Variants in MUSK observed in about 807,000 individuals in gnomAD.
MUSK encodes muscle associated receptor tyrosine kinase, also known as muscle, skeletal receptor tyrosine-protein kinase.
A neutral mutation model predicts 88.7 loss-of-function variants in MUSK; 55 were observed. That is an observed-to-expected ratio of 0.62 (90% CI 0.50 to 0.78). The LOEUF (loss-of-function observed/expected upper bound fraction) is 0.78. Among genes scored for constraint, MUSK ranks in the 30% least tolerant of loss-of-function variants. The probability of loss-of-function intolerance (pLI) is 0.00; values close to 1 mark genes in which losing one functional copy is unlikely to be tolerated. For missense variants in MUSK, 1,015 were observed against 1,074.3 expected, an observed-to-expected ratio of 0.94 and a Z score of 0.77; for synonymous variants, 387 against 391.9, an observed-to-expected ratio of 0.99 and a Z score of 0.15.
intron 3 of MUSK, among the ~76,000 whole-genome samples, chr9:110,694,331 G>A (rs1417076035): frequency 1.2e-4 from 18 of 148,924 alleles, no homozygotes; most frequent in Admixed American, 8.7e-4. Context: ...ACTTGCAGTG[G>A]GCCGAGATCG....
At chr9:110,770,464 T>A (rs1401471977) in intron 9 of MUSK, among the ~76,000 whole-genome samples, 2 of 146,660 alleles carry the variant, frequency 1.4e-5, no homozygotes, top group African/African-American at 4.9e-5. Context: ...ATATAACATA[T>A]AATTAATATA....
intron 1 of MUSK, among the ~76,000 whole-genome samples, chr9:110,681,764 G>T (rs118185714): frequency 8.8e-4 from 134 of 152,124 alleles, no homozygotes; most frequent in Non-Finnish European, 1.7e-3. Context: ...TTCAGAAAGT[G>T]GATGTATCTT....
At chr9:110,748,444 C>G (rs1435880373) in intron 7 of MUSK, among the ~76,000 whole-genome samples, 1 of 152,068 alleles carries the variant, frequency 6.6e-6, no homozygotes, top group African/African-American at 2.4e-5. Context: ...CAGGTGTTTT[C>G]AAGAAAAAGG....
chr9:110,684,290 C>T (rs984524265), intron 2 of MUSK, among the ~76,000 whole-genome samples: 3 of 151,858 alleles, frequency 2.0e-5, no homozygotes, highest in Non-Finnish European at 4.4e-5. Context: ...GAAATGAGTT[C>T]ACTGCAGGTG....
intron 6 of MUSK, among the ~76,000 whole-genome samples, chr9:110,742,298 A>G (rs1222756341): frequency 6.6e-6 from 1 of 152,142 alleles, no homozygotes; most frequent in Non-Finnish European, 1.5e-5. Flanking sequence ...TACTAAAAAT[A>G]CAAAAAATTT....
intron 8 of MUSK, among the ~76,000 whole-genome samples, chr9:110,765,734 C>T (rs566023600): frequency 3.9e-5 from 6 of 151,924 alleles, no homozygotes; most frequent in Admixed American, 2.6e-4. Context: ...CCACCACGCC[C>T]GGCTAATTTT....
intron 6 of MUSK, among the ~76,000 whole-genome samples, chr9:110,738,209 C>T (rs2077052935): frequency 6.6e-6 from 1 of 152,050 alleles, no homozygotes; most frequent in African/African-American, 2.4e-5. Context: ...AATATCTGAT[C>T]CTTTGATTAT....
At chr9:110,762,468 C>A (rs986470637) in intron 8 of MUSK, among the ~76,000 whole-genome samples, 2 of 152,072 alleles carry the variant, frequency 1.3e-5, no homozygotes, top group Non-Finnish European at 2.9e-5. Flanking sequence ...TGAATACTTA[C>A]TATGGATCGG....
chr9:110,755,944 A>G (rs1161502316), intron 7 of MUSK, among the ~76,000 whole-genome samples: 1 of 73,638 alleles, frequency 1.4e-5, no homozygotes, highest in Admixed American at 1.2e-4. Context: ...ATATATATAT[A>G]TATATACACA....
At chr9:110,689,736 TATA>T (rs1385025928) in intron 3 of MUSK, among the ~76,000 whole-genome samples, 614 of 12,336 alleles carry the variant, frequency 0.05, 62 homozygotes, top group African/African-American at 0.15. Flanking sequence ...ATAGTTTATA[TATA>T]ATATTATATA....
intron 6 of MUSK, among the ~76,000 whole-genome samples, chr9:110,745,955 G>C (rs1245983441): frequency 6.6e-6 from 1 of 152,194 alleles, no homozygotes; most frequent in African/African-American, 2.4e-5. Flanking sequence ...TAGGAAGAAA[G>C]CTGGCCTTAC....
chr9:110,762,327 TTTTG>T, intron 8 of MUSK, 119 bp downstream of exon 8: 1 of 627,390 alleles, frequency 1.6e-6, no homozygotes, highest in African/African-American at 1.8e-5. Context: ...GTGGAGTATG[TTTTG>T]TTTTTGTTAT....
intron 1 of MUSK, among the ~76,000 whole-genome samples, chr9:110,681,589 G>A (rs1414155714): frequency 6.6e-6 from 1 of 151,988 alleles, no homozygotes; most frequent in Non-Finnish European, 1.5e-5. Context: ...CATGTCAGGG[G>A]AAGTGGAAGG....
intron 9 of MUSK, among the ~76,000 whole-genome samples, 157 bp downstream of exon 9, chr9:110,768,240 G>A (rs550691315): frequency 1.3e-5 from 2 of 152,364 alleles, no homozygotes; most frequent in East Asian, 1.9e-4. Context: ...GCTCATGCCT[G>A]TAATCCCAGC....
chr9:110,734,292 AC>A lies in MUSK; in HGVS notation c.672del (p.Phe225LeufsTer5). 2 of 1,613,050 alleles carry A rather than the reference AC, an allele frequency of 1.2e-6. No individual in the cohort carries two copies. The highest frequency in any genetic ancestry group is 1.7e-6 in the Non-Finnish European group (2 of 1,179,434). The part of the protein sequence containing the change: ...ILRAPESHNV[T>X]FGSFVTLHCT... The stretch of plus-strand genomic sequence containing the variant: ...GCGGGCTCCTGAATCCCACAATGTC[AC>A]CTTTGGCTCCTTTGTGACCCTGCAC... On this transcript the variant is annotated frameshift_variant, in exon 6 of 15. Coordinates refer to ENST00000374448, the MANE Select transcript of MUSK (RefSeq NM_005592.4). LOFTEE classifies it high-confidence loss of function.
chr9:110,681,396 C>T (rs1480662862), intron 1 of MUSK, among the ~76,000 whole-genome samples: 2 of 150,980 alleles, frequency 1.3e-5, no homozygotes, highest in Admixed American at 1.3e-4. Flanking sequence ...ACTGTGCTCA[C>T]CCTGGGAATT....
intron 7 of MUSK, among the ~76,000 whole-genome samples, chr9:110,761,567 CTTTTTTTTTTTT>C (rs1168716499): frequency 1.9e-5 from 1 of 52,720 alleles, no homozygotes; most frequent in Non-Finnish European, 3.6e-5. Context: ...CCACATCTTG[CTTTTTTTTTTTT>C]TTTTTTTTTT....
Position 110,785,008 on chromosome 9 carries a change from T to G in MUSK, c.1578T>G (p.Asn526Lys). 6.2e-7 allele frequency: 1 copy of G among 1,613,330 alleles called. No homozygotes were observed. Among genetic ancestry groups the G allele is most frequent in the Middle Eastern group, 1.7e-4 (1 of 6,058 alleles). ...GCCGAAGAAGAAAACAATGGAAAAA[T>G]AAGAAAAGGTGAGATTCTAGTTTCA... ...YCCRRRKQWK[N>K]KKRESAAVTL... Residue 526 changes from asparagine to lysine, a missense_variant, in exon 12 of 15, where the codon AAT (asparagine) becomes AAG (lysine). Transcript: ENST00000374448.
chr9:110,788,559 G>T (rs540907775), intron 14 of MUSK, among the ~76,000 whole-genome samples: 1 of 151,788 alleles, frequency 6.6e-6, no homozygotes, highest in Non-Finnish European at 1.5e-5. Flanking sequence ...TTACACCGGG[G>T]GGGCAGAGGT....
Sources: allele counts gnomAD v4.1 joint callset (sites outside exome capture counted in the v4.1 genomes callset), GRCh38; gene constraint gnomAD v4.1.1; transcripts MANE v1.5; gene names NCBI Gene and HGNC (gene_info 2026-07-23, HGNC 2026-07-21).